TOMM40: variants seen among roughly 807,000 people sequenced by gnomAD.
TOMM40 encodes the protein translocase of outer mitochondrial membrane 40.
Under a neutral mutation model 38.4 loss-of-function variants are expected in TOMM40, and 9 were observed. The ratio of observed to expected loss-of-function variants is 0.23; its 90% CI spans 0.14 to 0.41. The LOEUF (loss-of-function observed/expected upper bound fraction) is 0.41, where lower values mean the gene tolerates loss of function less well. Among genes scored for constraint, TOMM40 ranks in the 10% least tolerant of loss-of-function variants. TOMM40 has a pLI of 1.00. For synonymous variants in TOMM40, 184 were observed against 210.0 expected (o/e 0.88, Z 1.07); for missense variants, 299 against 486.5 (o/e 0.61, Z 3.63).
intron 5 of TOMM40, among the ~76,000 whole-genome samples, chr19:44,895,550 GTT>G (rs1204378474): frequency 6.6e-6 from 1 of 152,024 alleles, no homozygotes; most frequent in African/African-American, 2.4e-5. Flanking sequence ...GTTTGTTTTT[GTT>G]TTTGAGACGG....
intron 8 of TOMM40, 189 bp from the exon 9 acceptor site, chr19:44,902,841 G>A: frequency 3.0e-6 from 2 of 666,896 alleles, no homozygotes; most frequent in Non-Finnish European, 4.8e-6. Context: ...ACTGAGCGGA[G>A]AGCAGAGGAG....
chr19:44,891,642 G>A lies in TOMM40; in HGVS notation c.227G>A (p.Cys76Tyr), dbSNP rs1320347736. The A allele has an allele frequency of 2.7e-6, 4 of 1,482,426 alleles. No individual in the cohort carries two copies. The African/African-American group carries it at 5.8e-5, about 22-fold the overall frequency. 91.8% of individuals were successfully genotyped at this position (1,482,426 alleles called of 1,614,324 possible). ...SGAAEDGACGCLPNPGTFEEC... is the reference protein window; with the variant it reads ...SGAAEDGACGYLPNPGTFEEC... ...GCCGCCGAGGATGGGGCCTGCGGCT[G>A]CCTGCCCAACCCGGGCACATTCGAG... The change falls in exon 1 of 9, where the codon TGC becomes TAC. Residue 76 changes from cysteine to tyrosine, a missense_variant. Cys to Tyr is a radical substitution (Grantham distance 194). Coordinates refer to ENST00000426677, the MANE Select transcript of TOMM40 (RefSeq NM_001128917.2).
At chr19:44,900,238 G>C (rs1440868159) in intron 5 of TOMM40, among the ~76,000 whole-genome samples, 1 of 152,166 alleles carries the variant, frequency 6.6e-6, no homozygotes, top group Admixed American at 6.6e-5. Flanking sequence ...TAGGTTCACA[G>C]AGAGATGATG....
At chr19:44,894,651 C>T (rs1170829943) in intron 5 of TOMM40, among the ~76,000 whole-genome samples, 1 of 152,156 alleles carries the variant, frequency 6.6e-6, no homozygotes, top group Non-Finnish European at 1.5e-5. Context: ...GGTCTTGGAA[C>T]TCCTGGCTTC....
At chr19:44,899,616 T>C (rs1214320378) in intron 5 of TOMM40, among the ~76,000 whole-genome samples, 1 of 104,712 alleles carries the variant, frequency 9.6e-6, no homozygotes, top group Non-Finnish European at 1.8e-5. Context: ...TGCCTGGCCT[T>C]GATTTTTTTT....
At position 44,891,391 on chromosome 19, in the gene TOMM40, C is replaced by G. The variant is rs891235196; in HGVS notation, c.-25C>G. On this transcript the variant is annotated 5_prime_UTR_variant, in exon 1 of 9. Coordinates refer to ENST00000426677, the MANE Select transcript of TOMM40 (RefSeq NM_001128917.2). Reference sequence around the variant, plus strand: ...GCGCGCGGGCCCTGACCTCTGCCCTCTGACCTCTCCCCTAGCAGGCGACCA... The same window carrying G: ...GCGCGCGGGCCCTGACCTCTGCCCTGTGACCTCTCCCCTAGCAGGCGACCA... The G allele has an allele frequency of 1.6e-6, 2 of 1,272,404 alleles. No individual in the cohort carries two copies. Among genetic ancestry groups the G allele is most frequent in the African/African-American group, 3.1e-5 (2 of 64,830 alleles). The allele number at this position is 1,272,404 out of a possible 1,614,324, so 78.8% of individuals were successfully genotyped here. A position where few individuals can be genotyped will look rare whatever the true frequency, so the allele number is the denominator to read the frequency against.
rs369424674 is a variant in TOMM40 at position 44,903,173 on chromosome 19, C to G, written c.*4C>G. The G allele has an allele frequency of 1.2e-6, 2 of 1,606,006 alleles. No individual in the cohort carries two copies. The highest frequency in any genetic ancestry group is 2.7e-5 in the African/African-American group (2 of 74,668). ...CTTTGGCCTCACCATCGGCTGAGCC[C>G]TCCTGGCCCCCGCCTTCCACGCCCT... On this transcript the variant is annotated 3_prime_UTR_variant, in exon 9 of 9. Coordinates refer to ENST00000426677, the MANE Select transcript of TOMM40 (RefSeq NM_001128917.2).
At chr19:44,892,695 A>C in intron 2 of TOMM40, 142 bp from the exon 3 acceptor site, 1 of 790,282 alleles carries the variant, frequency 1.3e-6, no homozygotes, top group Non-Finnish European at 2.2e-6. Flanking sequence ...GCCTACCGGC[A>C]GCACCTCCTT....
intron 5 of TOMM40, among the ~76,000 whole-genome samples, chr19:44,899,791 C>CTTTTTTTTTTTTTTTTT (rs10524523): frequency 1.1e-4 from 10 of 90,990 alleles, no homozygotes; most frequent in East Asian, 4.2e-4. Context: ...TTGCATCTGG[C>CTTTTTTTTTTTTTTTTT]TTTTTTTTTT....
Position 44,892,864 on chromosome 19 carries a change from A to G in TOMM40, c.370A>G (p.Ile124Val), listed in dbSNP as rs775117776. The change falls in exon 3 of 9, where the codon ATC becomes GTC. Residue 124 changes from isoleucine (I) to valine (V), a missense_variant. Physicochemically the swap from Ile to Val is conservative, Grantham distance 29. Coordinates refer to ENST00000426677, the MANE Select transcript of TOMM40 (RefSeq NM_001128917.2). ...QVNHTVALST[I>V]GESNYHFGVT... is the part of the protein sequence containing the mutation. Reference sequence around the variant, plus strand: ...CAACCACACAGTAGCCCTCAGCACAATCGGGGAGTCCAACTACCACTTCGG... The same window carrying G: ...CAACCACACAGTAGCCCTCAGCACAGTCGGGGAGTCCAACTACCACTTCGG... 2.1e-5 allele frequency: 34 copies of G among 1,613,808 alleles called. No individual in the cohort carries two copies. In the East Asian group the frequency reaches 5.6e-4, roughly 26 times the overall value.
rs2122789046 is a variant in TOMM40 at position 44,903,423 on chromosome 19, AG to A, written c.*258del. The A allele has an allele frequency of 2.6e-6, 1 of 391,152 alleles. No individual in the cohort carries two copies. The highest frequency in any genetic ancestry group is 4.7e-5 in the Admixed American group (1 of 21,392). 24.2% of individuals were successfully genotyped at this position (391,152 alleles called of 1,614,324 possible). On this transcript the variant is annotated 3_prime_UTR_variant, in exon 9 of 9. Transcript: ENST00000426677. Reference sequence around the variant, plus strand: ...GGTCCCGGGAGGGATTCCGGAATTGAGGGGCACGCAGGATTCTGAGCACCAG... The same window carrying A: ...GGTCCCGGGAGGGATTCCGGAATTGAGGGCACGCAGGATTCTGAGCACCAG...
chr19:44,900,675 G>A lies in TOMM40; in HGVS notation c.644-55G>A, dbSNP rs1438313052. The A allele has an allele frequency of 3.7e-6, 6 of 1,610,846 alleles. No homozygotes were observed. The African/African-American group carries it at 4.0e-5, about 11-fold the overall frequency. ...TGAGCCTAGAGGGCTTCCTGGAGGT[G>A]GAGTCTAGCCTGGCACTCAGGGTGG... On this transcript the variant is annotated intron_variant, in intron 5 of 8. Transcript: ENST00000426677.
intron 5 of TOMM40, among the ~76,000 whole-genome samples, chr19:44,897,126 A>AGGGTCAG (rs1456802265): frequency 3.9e-5 from 6 of 152,132 alleles, no homozygotes; most frequent in Admixed American, 6.5e-5. Flanking sequence ...GGGGGTCAAC[A>AGGGTCAG]GGGTCAGGTT....
intron 5 of TOMM40, among the ~76,000 whole-genome samples, 195 bp downstream of exon 5, chr19:44,894,261 CTTT>C (rs35647923): frequency 3.0e-5 from 4 of 133,662 alleles, no homozygotes; most frequent in Non-Finnish European, 3.1e-5. Flanking sequence ...TCAGAGCAGT[CTTT>C]TTTTTTTTTT....
chr19:44,903,324 TGAG>T lies in TOMM40; in HGVS notation c.*160_*162del. The T allele has an allele frequency of 1.3e-6, 1 of 755,632 alleles. No homozygotes were observed. Among genetic ancestry groups the T allele is most frequent in the Non-Finnish European group, 2.0e-6 (1 of 492,404 alleles). 46.8% of individuals were successfully genotyped at this position (755,632 alleles called of 1,614,324 possible). On this transcript the variant is annotated 3_prime_UTR_variant, in exon 9 of 9. Transcript: ENST00000426677. ...GGAGGGACCCCGCCACCCCAGCAGCTGAGGAGGGGATTCTGGAACTGAATGGCG... is the reference window on the plus strand; with the variant it reads ...GGAGGGACCCCGCCACCCCAGCAGCTGAGGGGATTCTGGAACTGAATGGCG...
At chr19:44,892,950 A>G in intron 3 of TOMM40, 21 bp downstream of exon 3, 2 of 1,593,012 alleles carry the variant, frequency 1.3e-6, no homozygotes, top group African/African-American at 1.3e-5. Flanking sequence ...TTTTTCATCC[A>G]TTCATTGTAT....
chr19:44,899,024 C>G (rs928245589), intron 5 of TOMM40, among the ~76,000 whole-genome samples: 1 of 148,334 alleles, frequency 6.7e-6, no homozygotes, highest in Non-Finnish European at 1.5e-5. Flanking sequence ...CCCAGCTACT[C>G]GGAGAGGCTG....
chr19:44,894,814 C>T (rs903971936), intron 5 of TOMM40, among the ~76,000 whole-genome samples: 7 of 152,184 alleles, frequency 4.6e-5, no homozygotes, highest in Non-Finnish European at 1.0e-4. Flanking sequence ...TTGCATAAGG[C>T]TTTGCAGAGC....
intron 5 of TOMM40, 137 bp downstream of exon 5, chr19:44,894,203 C>CA: frequency 1.8e-6 from 1 of 561,882 alleles, no homozygotes; most frequent in Non-Finnish European, 3.0e-6. Context: ...CATCAGGCAA[C>CA]ATACTACAGT....
Sources: gnomAD v4.1 joint callset for allele counts (sites outside exome capture counted in the v4.1 genomes callset) on GRCh38, gnomAD v4.1.1 for gene constraint, MANE v1.5 for transcripts, NCBI Gene and HGNC (gene_info 2026-07-23, HGNC 2026-07-21) for gene names.